The following NELL1 variants were observed in gnomAD, a reference collection of about 807,000 sequenced individuals.
The protein encoded by NELL1 is protein kinase C-binding protein NELL1.
NELL1 carries 76 observed loss-of-function variants against 107.4 expected under a neutral mutation model. The ratio of observed to expected loss-of-function variants is 0.71; its 90% CI spans 0.59 to 0.86. The LOEUF is 0.86. NELL1 is among the 40% of genes least tolerant of loss of function. The probability of loss-of-function intolerance (pLI) is 0.00; values close to 1 mark genes in which losing one functional copy is unlikely to be tolerated. For missense variants in NELL1, 1,024 were observed against 1,005.5 expected, an observed-to-expected ratio of 1.02 and a Z score of -0.25; for synonymous variants, 353 against 341.2, an observed-to-expected ratio of 1.03 and a Z score of -0.38.
At chr11:20,688,418 C>A (rs187575378) in intron 2 of NELL1, among the ~76,000 whole-genome samples, 1 of 152,114 alleles carries the variant, frequency 6.6e-6, no homozygotes, top group African/African-American at 2.4e-5. Flanking sequence ...TCTGTAGCTG[C>A]CATCTTTATG....
At chr11:20,823,454 A>G (rs959242011) in intron 3 of NELL1, among the ~76,000 whole-genome samples, 8 of 151,256 alleles carry the variant, frequency 5.3e-5, no homozygotes, top group African/African-American at 1.9e-4. Context: ...TCAGTCTGGA[A>G]GGGGCAGCAG....
intron 14 of NELL1, among the ~76,000 whole-genome samples, chr11:21,244,090 C>T (rs1415892259): frequency 6.6e-6 from 1 of 152,058 alleles, no homozygotes; most frequent in East Asian, 1.9e-4. Context: ...TTTCCTGTCT[C>T]TGGATGGAAC....
intron 5 of NELL1, among the ~76,000 whole-genome samples, chr11:20,894,006 G>T (rs1054856451): frequency 6.6e-6 from 1 of 152,132 alleles, no homozygotes; most frequent in African/African-American, 2.4e-5. Context: ...CAAACTGTAT[G>T]TTGTAGCCTG....
chr11:21,536,125 G>A (rs1287951476), intron 16 of NELL1, among the ~76,000 whole-genome samples: 1 of 152,088 alleles, frequency 6.6e-6, no homozygotes, highest in African/African-American at 2.4e-5. Flanking sequence ...CTACTTTTAA[G>A]TTCAAGGGAT....
chr11:21,159,148 C>A (rs1414875775), intron 13 of NELL1, among the ~76,000 whole-genome samples: 4 of 152,108 alleles, frequency 2.6e-5, no homozygotes, highest in Non-Finnish European at 4.4e-5. Context: ...ATTCCATGTT[C>A]TCTAGAACTG....
intron 12 of NELL1, among the ~76,000 whole-genome samples, chr11:21,093,633 C>T (rs1854572367): frequency 6.6e-6 from 1 of 152,174 alleles, no homozygotes; most frequent in African/African-American, 2.4e-5. Flanking sequence ...AATCACAGTT[C>T]CATGTAGCTG....
At chr11:21,015,818 G>A (rs184899237) in intron 12 of NELL1, among the ~76,000 whole-genome samples, 7 of 152,114 alleles carry the variant, frequency 4.6e-5, no homozygotes, top group Non-Finnish European at 7.4e-5. Context: ...AGCCAGGCAC[G>A]TCCTGTTGTC....
chr11:20,913,360 G>A (rs1015495610), intron 5 of NELL1, among the ~76,000 whole-genome samples: 22 of 152,190 alleles, frequency 1.4e-4, no homozygotes, highest in African/African-American at 3.1e-4. Flanking sequence ...AAAAGAATTA[G>A]CATTTGTTTG....
chr11:21,467,309 A>G (rs1386167648), intron 15 of NELL1, among the ~76,000 whole-genome samples: 2 of 152,088 alleles, frequency 1.3e-5, no homozygotes, highest in Non-Finnish European at 2.9e-5. Context: ...TGGGAACTCA[A>G]TGAGTCAATA....
chr11:21,447,190 A>G (rs1262610309), intron 15 of NELL1, among the ~76,000 whole-genome samples: 2 of 152,270 alleles, frequency 1.3e-5, no homozygotes, highest in African/African-American at 2.4e-5. Flanking sequence ...CCTCTGGCCC[A>G]GGGAATGTCC....
intron 2 of NELL1, among the ~76,000 whole-genome samples, chr11:20,775,760 A>G (rs1856738645): frequency 1.3e-5 from 2 of 152,226 alleles, no homozygotes; most frequent in African/African-American, 2.4e-5. Context: ...TCTGCCTTAT[A>G]GTACCTAATT....
chr11:21,459,025 C>T (rs911278219), intron 15 of NELL1, among the ~76,000 whole-genome samples: 2 of 152,022 alleles, frequency 1.3e-5, no homozygotes, highest in Admixed American at 1.3e-4. Context: ...GAACCATACT[C>T]AAAGTTTTAC....
intron 14 of NELL1, among the ~76,000 whole-genome samples, chr11:21,349,074 C>T (rs531265349): frequency 6.0e-4 from 92 of 152,152 alleles, no homozygotes; most frequent in Non-Finnish European, 9.4e-4. Context: ...CACAAAAGGT[C>T]ATTTGGCAAC....
At chr11:20,711,543 C>A (rs950257242) in intron 2 of NELL1, among the ~76,000 whole-genome samples, 3 of 151,898 alleles carry the variant, frequency 2.0e-5, no homozygotes, top group Non-Finnish European at 4.4e-5. Context: ...AGATTTAGAA[C>A]TCCTTTTAGC....
intron 8 of NELL1, among the ~76,000 whole-genome samples, chr11:20,927,766 A>G (rs1850531811): frequency 6.6e-6 from 1 of 152,220 alleles, no homozygotes; most frequent in Non-Finnish European, 1.5e-5. Flanking sequence ...GGTTATCCTT[A>G]TTCACAACCA....
At chr11:21,089,533 A>C (rs973028149) in intron 12 of NELL1, among the ~76,000 whole-genome samples, 1 of 152,368 alleles carries the variant, frequency 6.6e-6, no homozygotes, top group African/African-American at 2.4e-5. Context: ...ACGGCTAACT[A>C]TATAAATTTT....
In NELL1 at chr11:20,698,870, C is replaced by T. The variant is rs150698016; in HGVS notation, c.184+20810C>T. Among the ~76,000 whole-genome samples, 3 of 152,284 alleles carry T rather than the reference C, an allele frequency of 2.0e-5. No homozygotes were observed. The East Asian group carries it at 5.8e-4, about 29-fold the overall frequency. ...TTGCATTCTCATAGCATAGCTCCCA[C>T]TTATAAGTTATACAATATTTGGTTT... On this transcript the variant is annotated intron_variant, in intron 2 of 19. Transcript: ENST00000357134.
At chr11:20,917,649 AATT>A (rs1850285759) in intron 5 of NELL1, among the ~76,000 whole-genome samples, 1 of 152,006 alleles carries the variant, frequency 6.6e-6, no homozygotes, top group Non-Finnish European at 1.5e-5. Context: ...TTCCAGACTG[AATT>A]ACAGAATTAA....
chr11:21,293,098 G>A (rs188300959), intron 14 of NELL1, among the ~76,000 whole-genome samples: 33 of 152,238 alleles, frequency 2.2e-4, no homozygotes, highest in Admixed American at 2.0e-3. Flanking sequence ...AAACTGAAGA[G>A]CTTCTGCACA....
Sources: allele counts gnomAD v4.1 joint callset (sites outside exome capture counted in the v4.1 genomes callset), GRCh38; gene constraint gnomAD v4.1.1; transcripts MANE v1.5; gene names NCBI Gene and HGNC (gene_info 2026-07-23, HGNC 2026-07-21).